The following PCDHGB4 variants were observed in gnomAD, a reference collection of about 807,000 sequenced individuals.
PCDHGB4 encodes the protein protocadherin gamma subfamily B, 4.
Under a neutral mutation model 60.5 loss-of-function variants are expected in PCDHGB4, and 38 were observed. The observed-to-expected ratio is 0.63, with a 90% confidence interval of 0.48 to 0.82. PCDHGB4 has a LOEUF of 0.82. Ranked by LOEUF, PCDHGB4 falls within the 40% of genes least tolerant of loss-of-function variation. PCDHGB4 has a pLI of 0.00. For missense variants in PCDHGB4, 1,109 were observed against 1,209.6 expected (o/e 0.92, Z 1.23); for synonymous variants, 456 against 509.7 (o/e 0.89, Z 1.42).
intron 1 of PCDHGB4, chr5:141,394,811 C>G (rs1225635250): frequency 7.4e-6 from 12 of 1,613,770 alleles, no homozygotes; most frequent in Non-Finnish European, 1.0e-5. Flanking sequence ...CCGTGGCTGA[C>G]AGCATCCCCG....
chr5:141,509,872 G>T (rs968745661), intron 3 of PCDHGB4, among the ~76,000 whole-genome samples: 16 of 152,166 alleles, frequency 1.1e-4, no homozygotes, highest in Non-Finnish European at 1.5e-5. Context: ...CCAAGCTGCT[G>T]GTGGTGATGG....
At chr5:141,499,730 T>C (rs1412528402) in intron 2 of PCDHGB4, among the ~76,000 whole-genome samples, 1 of 143,912 alleles carries the variant, frequency 6.9e-6, no homozygotes, top group East Asian at 2.1e-4. Context: ...AGTCTCACTC[T>C]CTTGCCCAGG....
At chr5:141,405,648 G>T (rs936380418) in intron 1 of PCDHGB4, 5 of 523,616 alleles carry the variant, frequency 9.5e-6, no homozygotes, top group African/African-American at 3.9e-5. Context: ...CTAATTTTTT[G>T]TGTGTTTTTA....
chr5:141,407,735 T>C (rs2094975330), intron 1 of PCDHGB4, among the ~76,000 whole-genome samples: 1 of 152,246 alleles, frequency 6.6e-6, no homozygotes, highest in Non-Finnish European at 1.5e-5. Context: ...GTTCACTATA[T>C]ATACTCCCTA....
chr5:141,400,062 T>A (rs2093953641), intron 1 of PCDHGB4: 2 of 1,613,652 alleles, frequency 1.2e-6, no homozygotes, highest in Middle Eastern at 1.7e-4. Flanking sequence ...TGCGTGATGG[T>A]GGACAGCCGC....
intron 1 of PCDHGB4, chr5:141,408,411 C>T (rs2095101928): frequency 1.2e-6 from 2 of 1,614,034 alleles, no homozygotes; most frequent in African/African-American, 1.3e-5. Context: ...CGAGTGAGCG[C>T]GGAGAAGCTG....
chr5:141,409,233 G>A, intron 1 of PCDHGB4: 2 of 1,614,008 alleles, frequency 1.2e-6, no homozygotes, highest in Non-Finnish European at 1.7e-6. Flanking sequence ...AACGACAACA[G>A]CCCAGAAATA....
Position 141,422,497 on chromosome 5 carries a change from A to G in PCDHGB4, c.2397+32216A>G, listed in dbSNP as rs1257927470. 1.9e-6 allele frequency: 3 copies of G among 1,613,874 alleles called. No homozygotes were observed. In the African/African-American group the frequency reaches 4.0e-5, roughly 22 times the overall value. On this transcript the variant is annotated intron_variant, in intron 1 of 3. Transcript: ENST00000519479. Reference sequence around the variant, plus strand: ...GGTCCAGAGCTACAATATAACGTTGACAGCCACAGACCAGGGAAGCCCGCC... The same window carrying G: ...GGTCCAGAGCTACAATATAACGTTGGCAGCCACAGACCAGGGAAGCCCGCC...
At chr5:141,393,458 G>T (rs181214352) in intron 1 of PCDHGB4, 4 of 1,613,902 alleles carry the variant, frequency 2.5e-6, no homozygotes, top group Non-Finnish European at 3.4e-6. Context: ...TCACGGCCTC[G>T]GATGGCGGCA....
At position 141,477,167 on chromosome 5, in the gene PCDHGB4, G is replaced by A; in HGVS notation, c.2398-17640G>A. On this transcript the variant is annotated intron_variant, in intron 1 of 3. Coordinates refer to ENST00000519479, the MANE Select transcript of PCDHGB4 (RefSeq NM_003736.4). This position sits in a 1 kb window ranked among gnomAD's most constrained non-coding sequence, Gnocchi z 4.9. ...TGTGGATGTGAATGACAACGCCCCGGAGATCACAGTCACCTCCGTGTACAG... is the reference window on the plus strand; with the variant it reads ...TGTGGATGTGAATGACAACGCCCCGAAGATCACAGTCACCTCCGTGTACAG... 6.2e-7 allele frequency: 1 copy of A among 1,614,166 alleles called. No homozygotes were observed. Among genetic ancestry groups the A allele is most frequent in the South Asian group, 1.1e-5 (1 of 91,076 alleles).
rs538734954 is a variant in PCDHGB4 at position 141,494,863 on chromosome 5, C to T, written c.2454C>T (p.Ser818=). The change falls in exon 2 of 4, where the codon AGC becomes AGT. Residue 818 remains serine, a splice_region_variant and synonymous_variant. Coordinates refer to ENST00000519479, the MANE Select transcript of PCDHGB4 (RefSeq NM_003736.4). The part of the protein sequence containing the change: ...RFSQAQRPGT[S]GSQNGDDTGT... ...CTCAGGCCCAGAGACCCGGCACCAG[C>T]GGGTAGGTGACTGATTCTCCAGCCC... 2 of 1,614,118 alleles carry T rather than the reference C, an allele frequency of 1.2e-6. No individual in the cohort carries two copies. Among genetic ancestry groups the T allele is most frequent in the East Asian group, 2.2e-5 (1 of 44,874 alleles).
In PCDHGB4 at chr5:141,510,980, G is replaced by A; in HGVS notation, c.2579G>A (p.Gly860Asp). The change falls in exon 4 of 4, where the codon GGT becomes GAT. Residue 860 changes from glycine (G) to aspartate (D), a missense_variant. Around this residue, in one of 2 missense-constraint regions of PCDHGB4, gnomAD observed 1,068 missense variants for 1,089.9 expected, o/e 0.98. Transcript: ENST00000519479. ...AADGSSTLGGGAGTMGLSARY... is the reference protein window; with the variant it reads ...AADGSSTLGGDAGTMGLSARY... ...GATGGGAGCTCCACCCTGGGAGGGG[G>A]TGCCGGCACCATGGGATTGAGCGCC... 1 of 1,614,170 alleles carries A rather than the reference G, an allele frequency of 6.2e-7. No homozygotes were observed.
chr5:141,415,247 C>G, intron 1 of PCDHGB4: 1 of 1,614,210 alleles, frequency 6.2e-7, no homozygotes. Context: ...TCTGAAACCT[C>G]AGACCTCACT....
Position 141,477,778 on chromosome 5 carries a change from C to T in PCDHGB4, c.2398-17029C>T, listed in dbSNP as rs866423908. On this transcript the variant is annotated intron_variant, in intron 1 of 3. Transcript: ENST00000519479. This position sits in a 1 kb window ranked among gnomAD's most constrained non-coding sequence, Gnocchi z 4.9. ...TCCTAGCCACCAACATCAGCGTGAA[C>T]ATATTTGTCACTGATCGCAATGACA... 2.5e-6 allele frequency: 4 copies of T among 1,614,052 alleles called. No homozygotes were observed. In the African/African-American group the frequency reaches 5.3e-5, roughly 22 times the overall value.
chr5:141,423,415 G>GA (rs750028507), intron 1 of PCDHGB4: 3 of 1,614,134 alleles, frequency 1.9e-6, no homozygotes, highest in Non-Finnish European at 2.5e-6. Context: ...GCAGGCTTCT[G>GA]AAGGCGGGTT....
chr5:141,420,042 A>T, intron 1 of PCDHGB4: 2 of 1,614,048 alleles, frequency 1.2e-6, no homozygotes, highest in Non-Finnish European at 8.5e-7. Context: ...GACTGCTTTG[A>T]GTCAGTTCTC....
chr5:141,431,974 CA>C lies in PCDHGB4; in HGVS notation c.2397+41694del, dbSNP rs1419355804. The C allele has an allele frequency of 1.2e-6, 2 of 1,614,174 alleles. No individual in the cohort carries two copies. The highest frequency in any genetic ancestry group is 1.3e-5 in the African/African-American group (1 of 75,058). On this transcript the variant is annotated intron_variant, in intron 1 of 3. Transcript: ENST00000519479. This position sits in a 1 kb window ranked among gnomAD's most constrained non-coding sequence, Gnocchi z 4.8. ...CTTACGGAAATTACTATAGTTTAGT[CA>C]CAGACATAGTCTTGGATAGGGAACA... is the stretch of plus-strand genomic sequence containing the variant.
At chr5:141,414,394 A>G in intron 1 of PCDHGB4, 1 of 1,613,930 alleles carries the variant, frequency 6.2e-7, no homozygotes, top group Non-Finnish European at 8.5e-7. Flanking sequence ...CAGTTATTAC[A>G]GATTGGTGAT....
chr5:141,409,997 G>T, intron 1 of PCDHGB4: 3 of 1,613,224 alleles, frequency 1.9e-6, no homozygotes, highest in Non-Finnish European at 2.5e-6. Flanking sequence ...CGCCGACTCG[G>T]GACACAACGC....
Sources: allele counts gnomAD v4.1 joint callset (sites outside exome capture counted in the v4.1 genomes callset), GRCh38; gene constraint gnomAD v4.1.1; regional missense constraint gnomAD v4.1.1; non-coding constraint Gnocchi (gnomAD v3.1); transcripts MANE v1.5; gene names NCBI Gene and HGNC (gene_info 2026-07-23, HGNC 2026-07-21).